The following ZNF469 variants were observed in gnomAD, a reference collection of about 807,000 sequenced individuals.
ZNF469 encodes the protein zinc finger protein 469.
ZNF469 carries 1 observed loss-of-function variant against 1.0 expected under a neutral mutation model. That is an observed-to-expected ratio of 1.00 (90% CI 0.35 to 4.73). The LOEUF is 4.73. ZNF469 is among the 30% of genes most tolerant of loss of function. ZNF469 has a pLI of 0.16. For synonymous variants in ZNF469, 2,703 were observed against 2,363.4 expected (o/e 1.14, Z -4.17); for missense variants, 6,100 against 5,356.3 (o/e 1.14, Z -4.33).
chr16:88,214,807 T>C, the ZNF469 span, among the ~76,000 whole-genome samples: 3 of 152,348 alleles, frequency 2.0e-5, no homozygotes, highest in South Asian at 2.1e-4. Context: ...TCCAGCTTCA[T>C]CCACGTCCCT....
rs991151770 is a variant in ZNF469, at chr16:88,427,825, C to A, written c.355C>A (p.Arg119Ser). The change falls in exon 3 of 3, where the codon CGC becomes AGC. Residue 119 changes from arginine to serine, a missense_variant. Physicochemically the swap from Arg to Ser is moderately radical, Grantham distance 110. Coordinates refer to ENST00000565624, the MANE Select transcript of ZNF469 (RefSeq NM_001367624.2). The stretch of plus-strand genomic sequence containing the variant: ...CAGGGCAGAGGGCAGCCCCCCACAG[C>A]GCTACATTCTGGGCATCGCCAGCTC... ...AGRAEGSPPQ[R>S]YILGIASSRT... 18 of 1,548,544 alleles carry A rather than the reference C, an allele frequency of 1.2e-5. No individual in the cohort carries two copies. The highest frequency in any genetic ancestry group is 1.4e-5 in the Non-Finnish European group (16 of 1,146,804).
At chr16:88,207,815 A>G in the ZNF469 span, among the ~76,000 whole-genome samples, 1 of 150,250 alleles carries the variant, frequency 6.7e-6, no homozygotes, top group Non-Finnish European at 1.5e-5. Context: ...GATGCACCTG[A>G]TAGCAGCTGG....
At chr16:88,253,350 A>G in the ZNF469 span, among the ~76,000 whole-genome samples, 2 of 151,986 alleles carry the variant, frequency 1.3e-5, no homozygotes, top group Admixed American at 1.3e-4. Flanking sequence ...TTCATTACCT[A>G]CACTTGGGCT....
At chr16:88,159,208 C>T in the ZNF469 span, among the ~76,000 whole-genome samples, 54 of 26,294 alleles carry the variant, frequency 2.1e-3, no homozygotes, top group African/African-American at 4.0e-3. Flanking sequence ...CAGGGCCGTG[C>T]GGACCACTCT....
Position 88,431,674 on chromosome 16 carries a change from C to G in ZNF469, c.4204C>G (p.Pro1402Ala), listed in dbSNP as rs1906193891. The G allele has an allele frequency of 1.3e-6, 2 of 1,550,334 alleles. No individual in the cohort carries two copies. Among genetic ancestry groups the G allele is most frequent in the Non-Finnish European group, 8.7e-7 (1 of 1,146,990 alleles). ...GCFLEELHPK[P>A]SARDAPPASS... The stretch of plus-strand genomic sequence containing the variant: ...TTTCCTGGAAGAACTGCACCCCAAG[C>G]CCTCAGCCAGGGATGCCCCGCCGGC... Residue 1402 changes from proline (P) to alanine (A), a missense_variant, in exon 3 of 3, where the codon CCC becomes GCC. Transcript: ENST00000565624.
the ZNF469 span, among the ~76,000 whole-genome samples, chr16:88,371,915 T>C: frequency 7.6e-6 from 1 of 130,940 alleles, no homozygotes; most frequent in East Asian, 2.3e-4. Flanking sequence ...ACCATCACCA[T>C]GATTACCACC....
chr16:88,174,278 G>T, the ZNF469 span, among the ~76,000 whole-genome samples: 675 of 152,316 alleles, frequency 4.4e-3, 1 homozygote, highest in African/African-American at 0.013. Flanking sequence ...TGATCAAGGT[G>T]TCAGTTCATG....
At chr16:88,273,931 T>G in the ZNF469 span, among the ~76,000 whole-genome samples, 1 of 151,980 alleles carries the variant, frequency 6.6e-6, no homozygotes, top group Non-Finnish European at 1.5e-5. Flanking sequence ...CAGCCTCCCG[T>G]GTAGCTGGAC....
At chr16:88,321,522 G>A in the ZNF469 span, among the ~76,000 whole-genome samples, 1 of 152,124 alleles carries the variant, frequency 6.6e-6, no homozygotes, top group African/African-American at 2.4e-5. Context: ...CTGATTGGAT[G>A]CAGCCCTCGA....
intron 1 of ZNF469, among the ~76,000 whole-genome samples, chr16:88,405,367 G>A (rs1299489039): frequency 6.6e-6 from 1 of 152,192 alleles, no homozygotes; most frequent in Non-Finnish European, 1.5e-5. Flanking sequence ...AGCTTCTGTT[G>A]GAAACCAGAG....
chr16:88,294,813 C>T, the ZNF469 span: 3 of 152,474 alleles, frequency 2.0e-5, no homozygotes, highest in Admixed American at 6.5e-5. Flanking sequence ...CCGGGGCCAT[C>T]GGAGAGAAGA....
the ZNF469 span, among the ~76,000 whole-genome samples, chr16:88,161,716 A>G: frequency 4.0e-5 from 6 of 151,820 alleles, no homozygotes; most frequent in African/African-American, 1.5e-4. Flanking sequence ...TGTAAGGGGA[A>G]AAAAAAAGCT....
At chr16:88,271,248 C>T in the ZNF469 span, among the ~76,000 whole-genome samples, 7 of 147,818 alleles carry the variant, frequency 4.7e-5, no homozygotes, top group South Asian at 6.5e-4. Flanking sequence ...ACAGACCCTG[C>T]GGAAAAGCTA....
chr16:88,309,182 C>A, the ZNF469 span, among the ~76,000 whole-genome samples: 1 of 152,262 alleles, frequency 6.6e-6, no homozygotes, highest in African/African-American at 2.4e-5. Flanking sequence ...GGCTGATGCT[C>A]ACCTCTCAGG....
the ZNF469 span, among the ~76,000 whole-genome samples, chr16:88,142,915 G>A: frequency 5.9e-5 from 9 of 152,184 alleles, no homozygotes; most frequent in African/African-American, 1.7e-4. Flanking sequence ...AGGGGCCTGA[G>A]AGCACAGGGC....
the ZNF469 span, among the ~76,000 whole-genome samples, chr16:88,204,328 A>G: frequency 6.6e-6 from 1 of 152,226 alleles, no homozygotes; most frequent in African/African-American, 2.4e-5. Context: ...TAAGCCACAT[A>G]GAGCTGCTAG....
the ZNF469 span, among the ~76,000 whole-genome samples, chr16:88,185,024 C>G: frequency 1.3e-5 from 2 of 151,354 alleles, no homozygotes; most frequent in South Asian, 2.1e-4. Flanking sequence ...TGGATACACA[C>G]TCATACAGGC....
the ZNF469 span, among the ~76,000 whole-genome samples, chr16:88,322,821 G>T: frequency 0.2 from 31,125 of 152,164 alleles, 4,173 homozygotes; most frequent in Middle Eastern, 0.33. Context: ...GAATGGACTT[G>T]GCCCAGGACT....
Position 88,430,220 on chromosome 16 carries a change from G to C in ZNF469, c.2750G>C (p.Gly917Ala), listed in dbSNP as rs768862670. 1.6e-5 allele frequency: 24 copies of C among 1,540,754 alleles called. No individual in the cohort carries two copies. The African/African-American group carries it at 2.3e-4, about 15-fold the overall frequency. ...CAAACCCCCCGCCCTGGGGACAGGG[G>C]CTGCCCAGCCCGAGGCAGGCCCAAA... ...DPQTPRPGDR[G>A]CPARGRPKTR... Residue 917 changes from glycine to alanine, a missense_variant, in exon 3 of 3, where the codon GGC (glycine) becomes GCC (alanine). By Grantham distance (60) the Gly-to-Ala change is moderately conservative. Coordinates refer to ENST00000565624, the MANE Select transcript of ZNF469 (RefSeq NM_001367624.2).
Sources: allele counts gnomAD v4.1 joint callset (sites outside exome capture counted in the v4.1 genomes callset), GRCh38; gene constraint gnomAD v4.1.1; transcripts MANE v1.5; gene names NCBI Gene and HGNC (gene_info 2026-07-23, HGNC 2026-07-21).